Variants in DNAH7 observed in about 807,000 individuals in gnomAD.
DNAH7 encodes the protein axonemal beta dynein heavy chain 7.
Under a neutral mutation model 444.6 loss-of-function variants are expected in DNAH7, and 397 were observed. The observed-to-expected ratio is 0.89, with a 90% CI of 0.82 to 0.97. DNAH7 has a LOEUF of 0.97. DNAH7 is among the 50% of genes least tolerant of loss of function. The pLI is 0.00. For synonymous variants in DNAH7, 1,636 were observed against 1,624.4 expected (o/e 1.01, Z -0.17); for missense variants, 4,902 against 4,800.8 (o/e 1.02, Z -0.62).
chr2:195,987,487 G>A (rs1310263600), intron 13 of DNAH7, among the ~76,000 whole-genome samples: 1 of 151,834 alleles, frequency 6.6e-6, no homozygotes, highest in Non-Finnish European at 1.5e-5. Flanking sequence ...AAATAATGTA[G>A]GTTTCAAACG....
At chr2:195,976,725 C>A (rs1334316156) in intron 15 of DNAH7, among the ~76,000 whole-genome samples, 4 of 110,144 alleles carry the variant, frequency 3.6e-5, no homozygotes, top group Non-Finnish European at 8.0e-5. Flanking sequence ...GCTTAGCAGA[C>A]AGAGAGAGAC....
At chr2:195,738,675 A>T (rs1237301931) in intron 64 of DNAH7, among the ~76,000 whole-genome samples, 1 of 152,194 alleles carries the variant, frequency 6.6e-6, no homozygotes, top group East Asian at 1.9e-4. Context: ...AAATTCCTAC[A>T]ATTTGTTATT....
At chr2:195,836,474 G>A (rs1162043918) in intron 47 of DNAH7, among the ~76,000 whole-genome samples, 2 of 151,564 alleles carry the variant, frequency 1.3e-5, no homozygotes, top group South Asian at 4.2e-4. Flanking sequence ...TCCAGCCTGG[G>A]TGACAGAGTG....
chr2:195,740,658 C>A, intron 64 of DNAH7, 108 bp downstream of exon 64: 1 of 163,388 alleles, frequency 6.1e-6, no homozygotes, highest in Non-Finnish European at 1.2e-5. Flanking sequence ...TATACACACA[C>A]ACATATGTAT....
intron 55 of DNAH7, among the ~76,000 whole-genome samples, chr2:195,798,686 G>A (rs1696290317): frequency 6.6e-6 from 1 of 151,800 alleles, no homozygotes; most frequent in African/African-American, 2.4e-5. Flanking sequence ...TGGGACTACA[G>A]GCGTCTGCAA....
intron 34 of DNAH7, 36 bp downstream of exon 34, chr2:195,886,105 T>G (rs1443922870): frequency 1.3e-6 from 2 of 1,588,324 alleles, no homozygotes; most frequent in East Asian, 2.3e-5. Context: ...GATACCTGTC[T>G]TTCTGTAGCA....
At chr2:195,904,069 AG>A (rs1686868675) in intron 27 of DNAH7, 1 of 152,270 alleles carries the variant, frequency 6.6e-6, no homozygotes, top group African/African-American at 2.4e-5. Flanking sequence ...GCTCTCCAAC[AG>A]TGAAGTTTAC....
intron 36 of DNAH7, among the ~76,000 whole-genome samples, chr2:195,879,756 G>A (rs552150484): frequency 1.2e-4 from 19 of 152,230 alleles, no homozygotes; most frequent in Middle Eastern, 3.4e-3. Flanking sequence ...GTGTATTTAT[G>A]TGAAAGGGAA....
At chr2:195,851,101 C>T (rs185996890) in intron 46 of DNAH7, among the ~76,000 whole-genome samples, 2 of 152,330 alleles carry the variant, frequency 1.3e-5, no homozygotes, top group East Asian at 3.9e-4. Flanking sequence ...GGTGTGAAAG[C>T]ACACAGAAGC....
intron 12 of DNAH7, chr2:195,994,252 C>T (rs989406649): frequency 2.0e-5 from 7 of 355,630 alleles, no homozygotes; most frequent in African/African-American, 1.3e-4. Flanking sequence ...CATAATCAAC[C>T]ATACCTGAAG....
At chr2:196,013,023 G>C in intron 9 of DNAH7, 117 bp from the exon 10 acceptor site, 1 of 681,194 alleles carries the variant, frequency 1.5e-6, no homozygotes. Flanking sequence ...TAAAAATTGT[G>C]TTCTATATAA....
chr2:195,818,138 T>A (rs1234050159), intron 49 of DNAH7, among the ~76,000 whole-genome samples: 1 of 152,160 alleles, frequency 6.6e-6, no homozygotes, highest in Non-Finnish European at 1.5e-5. Context: ...TAGAATCAGG[T>A]TGGAAGCTAT....
chr2:195,808,540 G>T, intron 53 of DNAH7, 142 bp downstream of exon 53: 2 of 865,614 alleles, frequency 2.3e-6, no homozygotes, highest in Non-Finnish European at 3.5e-6. Context: ...ACTTAGAAGG[G>T]GGGATAACAT....
intron 61 of DNAH7, among the ~76,000 whole-genome samples, chr2:195,764,815 C>T (rs1000480645): frequency 1.2e-4 from 18 of 151,530 alleles, no homozygotes; most frequent in African/African-American, 4.1e-4. Context: ...CTACCAAAAG[C>T]AGTCTATAGA....
chr2:195,765,185 G>A (rs1694514574), intron 61 of DNAH7, among the ~76,000 whole-genome samples: 1 of 152,114 alleles, frequency 6.6e-6, no homozygotes, highest in Non-Finnish European at 1.5e-5. Context: ...TTCATATGCA[G>A]AAAAGTGAAA....
intron 47 of DNAH7, among the ~76,000 whole-genome samples, chr2:195,835,104 G>A (rs1200017774): frequency 6.6e-6 from 1 of 152,128 alleles, no homozygotes; most frequent in Non-Finnish European, 1.5e-5. Flanking sequence ...ATTACTGTAT[G>A]ATATTCAACC....
At chr2:195,837,980 TG>T (rs1404314075) in intron 47 of DNAH7, among the ~76,000 whole-genome samples, 1 of 152,046 alleles carries the variant, frequency 6.6e-6, no homozygotes, top group East Asian at 1.9e-4. Flanking sequence ...ATATGGAAAG[TG>T]GGGCAGGGGT....
chr2:196,026,800 T>C lies in DNAH7; in HGVS notation c.627A>G (p.Glu209=). 6.2e-7 allele frequency: 1 copy of C among 1,612,428 alleles called. No homozygotes were observed. The highest frequency in any genetic ancestry group is 8.5e-7 in the Non-Finnish European group (1 of 1,178,902). Residue 209 remains glutamate, a synonymous_variant, in exon 7 of 65, where the codon GAA becomes GAG. Transcript: ENST00000312428. ...FTDSIVTLSD[E]MREDYLLSVR... is the part of the protein sequence containing the mutation. The stretch of plus-strand genomic sequence containing the variant: ...CACTAAGAAGATAATCCTCTCTCAT[T>C]TCATCAGATAATGTAACTATGCTGT...
intron 46 of DNAH7, among the ~76,000 whole-genome samples, chr2:195,852,683 T>C (rs1392646116): frequency 6.6e-6 from 1 of 152,158 alleles, no homozygotes; most frequent in Non-Finnish European, 1.5e-5. Context: ...CTCCTAGGGT[T>C]AGATGTTCCG....
Sources: allele counts gnomAD v4.1 joint callset (sites outside exome capture counted in the v4.1 genomes callset), GRCh38; gene constraint gnomAD v4.1.1; transcripts MANE v1.5; gene names NCBI Gene and HGNC (gene_info 2026-07-23, HGNC 2026-07-21).